Variants in GLB1L3 observed in about 807,000 individuals in gnomAD.
GLB1L3 encodes beta-galactosidase-1-like protein 3.
In GLB1L3, 89 loss-of-function variants were observed where a neutral mutation model predicts 89.5. The ratio of observed to expected loss-of-function variants is 0.99; its 90% CI spans 0.84 to 1.19. GLB1L3 has a LOEUF of 1.19. Among genes scored for constraint, GLB1L3 ranks in the 50% most tolerant of loss-of-function variants. The pLI is 0.00. For synonymous variants in GLB1L3, 314 were observed against 312.3 expected, an observed-to-expected ratio of 1.01 and a Z score of -0.06; for missense variants, 812 against 813.3, an observed-to-expected ratio of 1.00 and a Z score of 0.02.
At position 134,283,799 on chromosome 11, in the gene GLB1L3, T is replaced by C. The variant is rs770453864; in HGVS notation, c.590T>C (p.Val197Ala). 14 of 1,612,996 alleles carry C rather than the reference T, an allele frequency of 8.7e-6. 1 individual carries two copies. The South Asian group carries it at 1.2e-4, about 14-fold the overall frequency. ...ACCAACAAGAGCTTCATTGAAGCAG[T>C]TGAGAAGTATTTTGACCACCTGATT... The part of the protein sequence containing the change: ...RTTNKSFIEA[V>A]EKYFDHLIPR... Residue 197 changes from valine to alanine, a missense_variant, in exon 6 of 20, where the codon GTT becomes GCT. Val to Ala is a moderately conservative substitution (Grantham distance 64). This residue lies in a region of GLB1L3 where 618 missense variants were observed against 604.0 expected (regional missense o/e 1.02). Transcript: ENST00000431683.
At chr11:134,278,204 A>G (rs1459323556) in intron 3 of GLB1L3, among the ~76,000 whole-genome samples, 3 of 152,206 alleles carry the variant, frequency 2.0e-5, no homozygotes, top group African/African-American at 7.2e-5. Flanking sequence ...GGGAGCACTC[A>G]GTTTAATGAC....
chr11:134,292,771 G>A (rs1373199017), intron 8 of GLB1L3: 18 of 360,532 alleles, frequency 5.0e-5, no homozygotes, highest in Admixed American at 1.4e-4. Flanking sequence ...AGCTGCTGCC[G>A]GCGGCTGCCG....
intron 7 of GLB1L3, among the ~76,000 whole-genome samples, chr11:134,291,804 G>A (rs546670219): frequency 5.3e-5 from 8 of 152,010 alleles, no homozygotes; most frequent in South Asian, 4.2e-4. Context: ...GTGAGCCCCC[G>A]TTTCTACTAA....
chr11:134,294,139 TCACTG>T (rs1941508637), intron 9 of GLB1L3, among the ~76,000 whole-genome samples: 1 of 152,084 alleles, frequency 6.6e-6, no homozygotes, highest in Non-Finnish European at 1.5e-5. Flanking sequence ...TGATCTCGGT[TCACTG>T]CAACCTCCGC....
rs1311136682 is a variant in GLB1L3 at position 134,276,581 on chromosome 11, C to G, written c.-160C>G. ...ATCCTTGGGACCCGGACCCGGCGCCCGCGCCTCGGGACGGATTTCTGCCTC... is the reference window on the plus strand; with the variant it reads ...ATCCTTGGGACCCGGACCCGGCGCCGGCGCCTCGGGACGGATTTCTGCCTC... On this transcript the variant is annotated 5_prime_UTR_variant, in exon 1 of 20. Transcript: ENST00000431683. 2.8e-5 allele frequency: 17 copies of G among 606,364 alleles called. No homozygotes were observed. Among genetic ancestry groups the G allele is most frequent in the Non-Finnish European group, 3.8e-5 (16 of 419,004 alleles). 37.6% of individuals were successfully genotyped at this position (606,364 alleles called of 1,614,324 possible).
intron 5 of GLB1L3, among the ~76,000 whole-genome samples, chr11:134,282,846 G>A (rs2136114444): frequency 6.6e-6 from 1 of 152,264 alleles, no homozygotes; most frequent in Non-Finnish European, 1.5e-5. Flanking sequence ...AGAGGTCTTT[G>A]CTTTTCTCCA....
intron 9 of GLB1L3, among the ~76,000 whole-genome samples, chr11:134,305,863 AAATT>A (rs1280299747): frequency 6.6e-6 from 1 of 152,150 alleles, no homozygotes; most frequent in Non-Finnish European, 1.5e-5. Flanking sequence ...TTGAAATTAA[AAATT>A]AAATATAGAA....
intron 5 of GLB1L3, among the ~76,000 whole-genome samples, 156 bp from the exon 6 acceptor site, chr11:134,283,581 T>C (rs923998224): frequency 2.0e-5 from 3 of 152,142 alleles, no homozygotes; most frequent in African/African-American, 7.2e-5. Flanking sequence ...TCTGAAAGTC[T>C]CACGCGGCAC....
intron 9 of GLB1L3, among the ~76,000 whole-genome samples, chr11:134,304,128 T>G (rs1942073897): frequency 6.6e-6 from 1 of 152,210 alleles, no homozygotes; most frequent in African/African-American, 2.4e-5. Context: ...TTCTCCTGTG[T>G]TGTCTCACTC....
intron 10 of GLB1L3, among the ~76,000 whole-genome samples, chr11:134,307,916 T>C (rs894199109): frequency 2.0e-5 from 3 of 152,090 alleles, no homozygotes; most frequent in Non-Finnish European, 4.4e-5. Context: ...ACAGAAGATA[T>C]TTCGAAAGAG....
intron 10 of GLB1L3, 60 bp downstream of exon 10, chr11:134,307,268 A>C: frequency 4.4e-5 from 52 of 1,177,714 alleles, no homozygotes; most frequent in Non-Finnish European, 6.1e-5. Flanking sequence ...ATGAGAACTC[A>C]TTCATACAGT....
intron 4 of GLB1L3, among the ~76,000 whole-genome samples, chr11:134,281,662 AC>A (rs1399404599): frequency 8.0e-6 from 1 of 125,660 alleles, no homozygotes; most frequent in African/African-American, 2.8e-5. Context: ...CCACCTCTCC[AC>A]TGCAGCCCAG....
intron 16 of GLB1L3, 81 bp downstream of exon 16, chr11:134,313,555 G>C: frequency 8.6e-7 from 1 of 1,161,936 alleles, no homozygotes; most frequent in Non-Finnish European, 1.3e-6. Flanking sequence ...GCGGGAGAGG[G>C]TGGGGAAACC....
At chr11:134,291,188 G>A (rs960117235) in intron 7 of GLB1L3, among the ~76,000 whole-genome samples, 38 of 151,974 alleles carry the variant, frequency 2.5e-4, no homozygotes, top group Admixed American at 2.4e-3. Context: ...CAGGGCCCCT[G>A]TGGACACAAA....
chr11:134,295,804 G>A (rs1941602825), intron 9 of GLB1L3, among the ~76,000 whole-genome samples: 1 of 152,094 alleles, frequency 6.6e-6, no homozygotes, highest in Non-Finnish European at 1.5e-5. Context: ...TTGATGGGCT[G>A]TGTTTTCATT....
At chr11:134,281,535 G>C (rs1940685811) in intron 4 of GLB1L3, 90 bp downstream of exon 4, 2 of 1,380,914 alleles carry the variant, frequency 1.4e-6, no homozygotes, top group Non-Finnish European at 2.1e-6. Context: ...GAGAACCAGG[G>C]AGGGACGTGG....
At chr11:134,310,379 G>A (rs1299108372) in intron 11 of GLB1L3, 192 bp from the exon 12 acceptor site, 4 of 583,232 alleles carry the variant, frequency 6.9e-6, no homozygotes, top group Admixed American at 3.0e-5. Flanking sequence ...GCTTGACACT[G>A]GAAGCCAGTG....
At chr11:134,279,714 T>A (rs1005414678) in intron 3 of GLB1L3, among the ~76,000 whole-genome samples, 13 of 152,234 alleles carry the variant, frequency 8.5e-5, no homozygotes, top group Admixed American at 2.6e-4. Context: ...TTTCCTTTCT[T>A]TCCTGTACTC....
intron 5 of GLB1L3, 31 bp from the exon 6 acceptor site, chr11:134,283,706 C>T: frequency 7.3e-7 from 1 of 1,365,916 alleles, no homozygotes; most frequent in Non-Finnish European, 1.0e-6. Context: ...CAACCCGTCT[C>T]AGACCCTGAG....
Sources: gnomAD v4.1 joint callset for allele counts (sites outside exome capture counted in the v4.1 genomes callset) on GRCh38, gnomAD v4.1.1 for gene constraint, gnomAD v4.1.1 regional missense constraint, MANE v1.5 for transcripts, NCBI Gene and HGNC (gene_info 2026-07-23, HGNC 2026-07-21) for gene names.